The following TSPAN15 variants were observed in gnomAD, a reference collection of about 807,000 sequenced individuals.
The protein encoded by TSPAN15 is tetraspanin-15.
Under a neutral mutation model 34.5 loss-of-function variants are expected in TSPAN15, and 20 were observed. That is an observed-to-expected ratio of 0.58 (90% CI 0.41 to 0.84). The LOEUF is 0.84. Ranked by LOEUF, TSPAN15 falls within the 40% of genes least tolerant of loss-of-function variation. The pLI is 0.00. For synonymous variants in TSPAN15, 155 were observed against 153.9 expected (o/e 1.01, Z -0.05); for missense variants, 313 against 386.1 (o/e 0.81, Z 1.59).
At chr10:69,488,337 A>G (rs1589644446) in intron 3 of TSPAN15, among the ~76,000 whole-genome samples, 1 of 152,176 alleles carries the variant, frequency 6.6e-6, no homozygotes, top group African/African-American at 2.4e-5. Flanking sequence ...ATGATGGAGA[A>G]AAAGGTGAGG....
downstream of TSPAN15, among the ~76,000 whole-genome samples, chr10:69,508,831 A>C (rs1842385719): frequency 6.6e-6 from 1 of 152,220 alleles, no homozygotes; most frequent in South Asian, 2.1e-4. Context: ...CTCTTGAGCC[A>C]CTCAGCCCCT....
At position 69,451,568 on chromosome 10, in the gene TSPAN15, C is replaced by A; in HGVS notation, c.-27C>A. The A allele has an allele frequency of 7.0e-7, 1 of 1,431,158 alleles. No homozygotes were observed. The allele number at this position is 1,431,158 out of a possible 1,614,324, so 88.7% of individuals were successfully genotyped here. A position where few individuals can be genotyped will look rare whatever the true frequency, so the allele number is the denominator to read the frequency against. On this transcript the variant is annotated 5_prime_UTR_variant, in exon 1 of 8. Transcript: ENST00000373290. ...ACCGAGCCGGAGAGCCCCGGAGCCC[C>A]CGTAACCCGCGCGGGGAGCGCCCAG...
the TSPAN15 span, among the ~76,000 whole-genome samples, chr10:69,528,657 G>A: frequency 6.7e-6 from 1 of 148,408 alleles, no homozygotes; most frequent in South Asian, 2.1e-4. Context: ...AAGGTGAAGA[G>A]GAGTTTTATT....
intron 1 of TSPAN15, among the ~76,000 whole-genome samples, chr10:69,480,009 A>G (rs1377798165): frequency 6.6e-6 from 1 of 152,194 alleles, no homozygotes; most frequent in South Asian, 2.1e-4. Context: ...CTAGCAAGGA[A>G]ATGGCAATGC....
At chr10:69,548,523 G>A in the TSPAN15 span, among the ~76,000 whole-genome samples, 1 of 152,222 alleles carries the variant, frequency 6.6e-6, no homozygotes, top group Non-Finnish European at 1.5e-5. Flanking sequence ...AAACAAATGA[G>A]GTGAGCCCTG....
chr10:69,501,467 T>C (rs946013279), intron 5 of TSPAN15, among the ~76,000 whole-genome samples: 6 of 152,218 alleles, frequency 3.9e-5, no homozygotes, highest in Non-Finnish European at 8.8e-5. Flanking sequence ...AACTGGTTGA[T>C]TTGTGTCCAG....
chr10:69,522,117 T>C, the TSPAN15 span, among the ~76,000 whole-genome samples: 4 of 147,512 alleles, frequency 2.7e-5, no homozygotes, highest in African/African-American at 9.9e-5. Context: ...TCCCAGCACT[T>C]TGAGAGGCTG....
At chr10:69,516,866 G>A in the TSPAN15 span, among the ~76,000 whole-genome samples, 10 of 152,306 alleles carry the variant, frequency 6.6e-5, 1 homozygote, top group African/African-American at 2.2e-4. Context: ...TGGTGCCTGG[G>A]ACATAAGGGG....
chr10:69,525,377 A>G, the TSPAN15 span, among the ~76,000 whole-genome samples: 1 of 146,912 alleles, frequency 6.8e-6, no homozygotes, highest in Non-Finnish European at 1.5e-5. Flanking sequence ...GACTTAAACC[A>G]GGCTCATGCC....
At chr10:69,474,938 G>C (rs993989217) in intron 1 of TSPAN15, among the ~76,000 whole-genome samples, 1 of 152,136 alleles carries the variant, frequency 6.6e-6, no homozygotes, top group Non-Finnish European at 1.5e-5. Context: ...CTGAGTCAGC[G>C]GGGTCTGGGG....
At chr10:69,473,787 C>A (rs548141000) in intron 1 of TSPAN15, among the ~76,000 whole-genome samples, 1 of 152,118 alleles carries the variant, frequency 6.6e-6, no homozygotes, top group South Asian at 2.1e-4. Flanking sequence ...TGGACTGGGG[C>A]CATTTATCTT....
At chr10:69,511,246 A>G (rs1239346262), downstream of TSPAN15, among the ~76,000 whole-genome samples, 4 of 152,270 alleles carry the variant, frequency 2.6e-5, no homozygotes, top group East Asian at 7.7e-4. Context: ...TACTGCCTCA[A>G]TTTCAGAACT....
rs77297872 is a variant in TSPAN15 at position 69,507,435 on chromosome 10, C to T, written c.*457C>T. The T allele has an allele frequency of 1.7e-3, 2,154 of 1,289,780 alleles. 26 individuals carry two copies. The African/African-American group carries it at 0.027, about 16-fold the overall frequency. 79.9% of individuals were successfully genotyped at this position (1,289,780 alleles called of 1,614,324 possible). ...GAAGAGCTGTCCATGCAGCCACGCC[C>T]ATGGCCAGGTTGGCCTCTTCTCAGC... On this transcript the variant is annotated 3_prime_UTR_variant, in exon 8 of 8. Transcript: ENST00000373290.
intron 1 of TSPAN15, among the ~76,000 whole-genome samples, chr10:69,463,544 T>C (rs552855575): frequency 6.6e-6 from 1 of 152,302 alleles, no homozygotes; most frequent in East Asian, 1.9e-4. Context: ...GTGCGGTGGC[T>C]CACACCTGTA....
chr10:69,544,723 G>A, the TSPAN15 span, among the ~76,000 whole-genome samples: 10 of 152,196 alleles, frequency 6.6e-5, no homozygotes, highest in African/African-American at 2.4e-4. Context: ...GGTCACTGGA[G>A]TCCCAGAAAG....
intron 5 of TSPAN15, among the ~76,000 whole-genome samples, chr10:69,502,848 T>A (rs1395723038): frequency 6.6e-6 from 1 of 152,184 alleles, no homozygotes; most frequent in Non-Finnish European, 1.5e-5. Flanking sequence ...AAGTCACTCT[T>A]GTCACCTCCC....
intron 2 of TSPAN15, 104 bp downstream of exon 2, chr10:69,483,980 C>T: frequency 1.6e-6 from 2 of 1,288,178 alleles, no homozygotes; most frequent in East Asian, 2.4e-5. Flanking sequence ...TGCCTCAAAC[C>T]ACCTCCTTTA....
intron 1 of TSPAN15, among the ~76,000 whole-genome samples, chr10:69,473,673 A>G (rs989974002): frequency 2.2e-4 from 34 of 152,154 alleles, no homozygotes; most frequent in Non-Finnish European, 4.0e-4. Flanking sequence ...CAAGGTCACA[A>G]AGAGTTGATA....
intron 1 of TSPAN15, among the ~76,000 whole-genome samples, chr10:69,455,925 A>G (rs150177658): frequency 1.3e-5 from 2 of 152,046 alleles, no homozygotes; most frequent in African/African-American, 2.4e-5. Context: ...TCTAGGCACT[A>G]TCTCTTACCT....
Sources: gnomAD v4.1 joint callset for allele counts (sites outside exome capture counted in the v4.1 genomes callset) on GRCh38, gnomAD v4.1.1 for gene constraint, MANE v1.5 for transcripts, NCBI Gene and HGNC (gene_info 2026-07-23, HGNC 2026-07-21) for gene names.